COMT: variants seen among roughly 807,000 people sequenced by gnomAD.
COMT encodes catechol-O-methyltransferase.
A neutral mutation model predicts 18.9 loss-of-function variants in COMT; 13 were observed. The observed-to-expected ratio is 0.69, with a 90% CI of 0.45 to 1.09. COMT has a LOEUF of 1.09. Among genes scored for constraint, COMT ranks in the 50% least tolerant of loss-of-function variants. The pLI is 0.00. For missense variants in COMT, 329 were observed against 361.8 expected (o/e 0.91, Z 0.73); for synonymous variants, 150 against 160.9 (o/e 0.93, Z 0.51).
At chr22:19,945,053 T>C (rs926160403) in intron 1 of COMT, among the ~76,000 whole-genome samples, 2 of 152,238 alleles carry the variant, frequency 1.3e-5, no homozygotes, top group Non-Finnish European at 2.9e-5. Context: ...GAACAGTAAT[T>C]GACCACACAG....
At position 19,963,613 on chromosome 22, in the gene COMT, C is replaced by G. The variant is rs1168438991; in HGVS notation, c.337C>G (p.Leu113Val). The G allele has an allele frequency of 1.9e-6, 3 of 1,613,022 alleles. No individual in the cohort carries two copies. Among genetic ancestry groups the G allele is most frequent in the Non-Finnish European group, 1.7e-6 (2 of 1,180,008 alleles). Residue 113 changes from leucine (L) to valine (V), a missense_variant, in exon 4 of 6, where the codon CTG becomes GTG. Transcript: ENST00000361682. ...VIQEHQPSVL[L>V]ELGAYCGYSA... The stretch of plus-strand genomic sequence containing the variant: ...TCAGGAGCACCAGCCCTCCGTGCTG[C>G]TGGAGCTGGGGGCCTACTGTGGCTA...
intron 1 of COMT, among the ~76,000 whole-genome samples, chr22:19,947,278 G>T (rs1283885759): frequency 6.6e-6 from 1 of 150,458 alleles, no homozygotes; most frequent in Non-Finnish European, 1.5e-5. Context: ...AGCCCTACAG[G>T]GTCTGTGGGT....
At chr22:19,950,546 T>C (rs1331037340) in intron 1 of COMT, among the ~76,000 whole-genome samples, 1 of 152,028 alleles carries the variant, frequency 6.6e-6, no homozygotes, top group African/African-American at 2.4e-5. Flanking sequence ...GCTCAGCTGG[T>C]TGCTTTTGTG....
intron 1 of COMT, among the ~76,000 whole-genome samples, chr22:19,957,501 T>C (rs1379582080): frequency 1.3e-5 from 2 of 152,224 alleles, no homozygotes; most frequent in African/African-American, 4.8e-5. Flanking sequence ...ACAGAGGTGA[T>C]GGACTCTCTA....
intron 1 of COMT, among the ~76,000 whole-genome samples, chr22:19,954,446 G>A (rs1425883186): frequency 6.6e-6 from 1 of 152,124 alleles, no homozygotes; most frequent in Non-Finnish European, 1.5e-5. Flanking sequence ...GTGCAATTGT[G>A]CGTTTTTTGT....
At chr22:19,960,821 T>C (rs1039620314) in intron 1 of COMT, among the ~76,000 whole-genome samples, 1 of 152,274 alleles carries the variant, frequency 6.6e-6, no homozygotes, top group African/African-American at 2.4e-5. Flanking sequence ...AACTAGCCCT[T>C]GGTCTTACAC....
intron 1 of COMT, among the ~76,000 whole-genome samples, chr22:19,959,911 G>C (rs1322530123): frequency 6.6e-6 from 1 of 151,892 alleles, no homozygotes; most frequent in Non-Finnish European, 1.5e-5. Context: ...CCACAGAGCC[G>C]CGGGCAGGTG....
intron 1 of COMT, among the ~76,000 whole-genome samples, chr22:19,942,795 G>T (rs1285315388): frequency 6.6e-6 from 1 of 152,222 alleles, no homozygotes; most frequent in African/African-American, 2.4e-5. Flanking sequence ...AAGGGAGAGT[G>T]AGGGAGTGGG....
chr22:19,949,756 C>T (rs190020863), intron 1 of COMT, among the ~76,000 whole-genome samples: 2 of 152,218 alleles, frequency 1.3e-5, no homozygotes, highest in African/African-American at 4.8e-5. Flanking sequence ...AGTCACCACG[C>T]CCGGCCATAA....
rs559479480 is a variant in COMT at position 19,962,584 on chromosome 22, G to T, written c.58G>T (p.Val20Leu). ...AAVLLGLVLL[V>L]VLLLLLRHWG... is the part of the protein sequence containing the mutation. ...TGTGTTGCTGGGCCTGGTGCTGCTG[G>T]TGGTGCTGCTGCTGCTTCTGAGGCA... Residue 20 changes from valine to leucine, a missense_variant, in exon 3 of 6, where the codon GTG becomes TTG. Transcript: ENST00000361682. 2 of 1,577,470 alleles carry T rather than the reference G, an allele frequency of 1.3e-6. No individual in the cohort carries two copies. The highest frequency in any genetic ancestry group is 1.2e-5 in the South Asian group (1 of 86,752).
At chr22:19,956,854 G>A (rs934115509) in intron 1 of COMT, among the ~76,000 whole-genome samples, 1 of 152,248 alleles carries the variant, frequency 6.6e-6, no homozygotes, top group East Asian at 1.9e-4. Flanking sequence ...GGGATTACAG[G>A]TGTGGCCACT....
chr22:19,956,370 CTTTTTTTT>C (rs361698), intron 1 of COMT, among the ~76,000 whole-genome samples: 4 of 47,348 alleles, frequency 8.4e-5, no homozygotes, highest in Non-Finnish European at 1.6e-4. Context: ...CTTGAGCTCT[CTTTTTTTT>C]TTTTTTTTTT....
At chr22:19,963,083 C>T (rs1010184185) in intron 3 of COMT, among the ~76,000 whole-genome samples, 9 of 152,152 alleles carry the variant, frequency 5.9e-5, no homozygotes, top group Admixed American at 5.9e-4. Context: ...GAACTCTGTT[C>T]TGGCCACCAT....
At chr22:19,949,921 T>C (rs1316167082) in intron 1 of COMT, among the ~76,000 whole-genome samples, 3 of 152,182 alleles carry the variant, frequency 2.0e-5, no homozygotes, top group Non-Finnish European at 2.9e-5. Flanking sequence ...TACATGTTTA[T>C]TAACAGACCA....
At position 19,964,291 on chromosome 22, in the gene COMT, C is replaced by G. The variant is rs1193284272; in HGVS notation, c.607C>G (p.Leu203Val). 6.2e-7 allele frequency: 1 copy of G among 1,613,886 alleles called. No individual in the cohort carries two copies. Among genetic ancestry groups the G allele is most frequent in the Non-Finnish European group, 8.5e-7 (1 of 1,180,052 alleles). The change falls in exon 5 of 6, where the codon CTC becomes GTC. Residue 203 changes from leucine to valine, a missense_variant. Leu to Val is a conservative substitution (Grantham distance 32). Coordinates refer to ENST00000361682, the MANE Select transcript of COMT (RefSeq NM_000754.4). ...GGACCGGTACCTGCCGGACACGCTT[C>G]TCTTGGAGGTGAGCCCCAACCAGGA... ...WKDRYLPDTL[L>V]LEECGLLRKG...
Position 19,962,569 on chromosome 22 carries a change from G to T in COMT, c.43G>T (p.Gly15Cys). The T allele has an allele frequency of 6.4e-7, 1 of 1,568,508 alleles. No individual in the cohort carries two copies. Among genetic ancestry groups the T allele is most frequent in the Admixed American group, 1.9e-5 (1 of 53,262 alleles). The stretch of plus-strand genomic sequence containing the variant: ...TCTGCTGTTGGCAGCTGTGTTGCTG[G>T]GCCTGGTGCTGCTGGTGGTGCTGCT... ...PPLLLAAVLL[G>C]LVLLVVLLLL... The change falls in exon 3 of 6, where the codon GGC becomes TGC. Residue 15 changes from glycine (G) to cysteine (C), a missense_variant. Coordinates refer to ENST00000361682, the MANE Select transcript of COMT (RefSeq NM_000754.4).
rs567862500 is a variant in COMT at position 19,963,715 on chromosome 22, G to A, written c.439G>A (p.Ala147Thr). Reference protein sequence around the residue: ...ITIEINPDCAAITQRMVDFAG... With the variant: ...ITIEINPDCATITQRMVDFAG... ...CATCGAGATCAACCCCGACTGTGCC[G>A]CCATCACCCAGCGGATGGTGGATTT... is the stretch of plus-strand genomic sequence containing the variant. The change falls in exon 4 of 6, where the codon GCC becomes ACC. Residue 147 changes from alanine to threonine, a missense_variant. Physicochemically the swap from Ala to Thr is moderately conservative, Grantham distance 58 (BLOSUM62 0). Transcript: ENST00000361682. 5.8e-5 allele frequency: 94 copies of A among 1,612,714 alleles called. No homozygotes were observed. The highest frequency in any genetic ancestry group is 5.1e-4 in the South Asian group (46 of 91,070).
intron 1 of COMT, among the ~76,000 whole-genome samples, chr22:19,947,896 T>C (rs1309604238): frequency 1.3e-5 from 2 of 152,150 alleles, no homozygotes; most frequent in Non-Finnish European, 2.9e-5. Flanking sequence ...ACAGGCGTCT[T>C]CCCAGGCGCT....
intron 1 of COMT, among the ~76,000 whole-genome samples, chr22:19,953,003 AAT>A: frequency 2.2e-5 from 1 of 44,882 alleles, no homozygotes; most frequent in East Asian, 4.7e-4. Context: ...TAAATAAATA[AAT>A]AAAATGAAGC....
Sources: allele counts gnomAD v4.1 joint callset (sites outside exome capture counted in the v4.1 genomes callset), GRCh38; gene constraint gnomAD v4.1.1; transcripts MANE v1.5; gene names NCBI Gene and HGNC (gene_info 2026-07-23, HGNC 2026-07-21).